Variants in GNB1L observed in about 807,000 individuals in gnomAD.
GNB1L encodes the protein G protein subunit beta 1 like, also known as guanine nucleotide-binding protein subunit beta-like protein 1.
A neutral mutation model predicts 29.1 loss-of-function variants in GNB1L; 20 were observed. The ratio of observed to expected loss-of-function variants is 0.69; its 90% CI spans 0.48 to 1.00. The LOEUF is 1.00. Ranked by LOEUF, GNB1L falls within the 50% of genes least tolerant of loss-of-function variation. GNB1L has a pLI of 0.00. For missense variants in GNB1L, 421 were observed against 464.9 expected, an observed-to-expected ratio of 0.91 and a Z score of 0.87; for synonymous variants, 193 against 206.5, an observed-to-expected ratio of 0.93 and a Z score of 0.56.
intron 2 of GNB1L, among the ~76,000 whole-genome samples, chr22:19,833,815 G>T (rs995859848): frequency 6.6e-6 from 1 of 151,718 alleles, no homozygotes; most frequent in Non-Finnish European, 1.5e-5. Context: ...GCCGTGAGCC[G>T]ATATCATACC....
intron 2 of GNB1L, chr22:19,851,219 A>G (rs1412367202): frequency 1.3e-6 from 2 of 1,597,354 alleles, no homozygotes; most frequent in South Asian, 2.2e-5. Context: ...GGCCTCCACC[A>G]CCTCCTGTGG....
chr22:19,808,267 TAG>T (rs543296530), intron 5 of GNB1L, among the ~76,000 whole-genome samples: 7 of 151,918 alleles, frequency 4.6e-5, no homozygotes, highest in Non-Finnish European at 8.8e-5. Flanking sequence ...CACACACAAA[TAG>T]AGCCTCCTGC....
chr22:19,829,889 A>C (rs1312583534), intron 2 of GNB1L, among the ~76,000 whole-genome samples: 1 of 152,202 alleles, frequency 6.6e-6, no homozygotes, highest in Admixed American at 6.5e-5. Flanking sequence ...TAAATCCAAC[A>C]TATTATTTTA....
chr22:19,800,499 A>G (rs948720456), intron 7 of GNB1L, among the ~76,000 whole-genome samples: 4 of 152,176 alleles, frequency 2.6e-5, no homozygotes, highest in Non-Finnish European at 5.9e-5. Context: ...CGCCCCTTCC[A>G]GACATGCAGA....
intron 6 of GNB1L, among the ~76,000 whole-genome samples, chr22:19,803,545 A>G (rs1937399177): frequency 6.6e-6 from 1 of 152,156 alleles, no homozygotes; most frequent in Admixed American, 6.5e-5. Context: ...GAGGAGTTCC[A>G]TGTTGGCACC....
At chr22:19,812,573 C>T in intron 4 of GNB1L, 126 bp from the exon 5 acceptor site, 1 of 902,116 alleles carries the variant, frequency 1.1e-6, no homozygotes, top group Non-Finnish European at 1.7e-6. Context: ...TGGATCATCG[C>T]AGGTCGGGAG....
intron 2 of GNB1L, among the ~76,000 whole-genome samples, chr22:19,853,637 G>A (rs1938163489): frequency 6.6e-6 from 1 of 152,014 alleles, no homozygotes; most frequent in Admixed American, 6.5e-5. Flanking sequence ...AGGGTGGCCT[G>A]CAGCACTAGA....
At chr22:19,819,319 C>T (rs1388967839) in intron 4 of GNB1L, among the ~76,000 whole-genome samples, 4 of 152,244 alleles carry the variant, frequency 2.6e-5, no homozygotes, top group Non-Finnish European at 5.9e-5. Flanking sequence ...GCCACCCATG[C>T]AGGAGGATGG....
At chr22:19,796,489 C>T (rs2145863360) in intron 7 of GNB1L, among the ~76,000 whole-genome samples, 1 of 152,324 alleles carries the variant, frequency 6.6e-6, no homozygotes, top group South Asian at 2.1e-4. Context: ...TCATTCAGAC[C>T]TTGTTCCCAG....
At chr22:19,796,136 T>C (rs909101839) in intron 7 of GNB1L, among the ~76,000 whole-genome samples, 9 of 152,060 alleles carry the variant, frequency 5.9e-5, no homozygotes, top group African/African-American at 2.2e-4. Context: ...GTTGGAAAAA[T>C]AGGCTTTGGG....
chr22:19,820,126 C>T (rs887789076), intron 4 of GNB1L, among the ~76,000 whole-genome samples: 1 of 152,150 alleles, frequency 6.6e-6, no homozygotes, highest in East Asian at 1.9e-4. Context: ...TCATGGCACA[C>T]GGCCCAGGCA....
intron 4 of GNB1L, among the ~76,000 whole-genome samples, 200 bp from the exon 5 acceptor site, chr22:19,812,647 A>G (rs1189399849): frequency 6.6e-6 from 1 of 152,222 alleles, no homozygotes; most frequent in Non-Finnish European, 1.5e-5. Context: ...AAAGTGCCCG[A>G]GGCCAGGACA....
Position 19,802,044 on chromosome 22 carries a change from T to C in GNB1L, c.689A>G (p.Lys230Arg), listed in dbSNP as rs774458770. The change falls in exon 7 of 8, where the codon AAG (lysine) becomes AGG (arginine). Residue 230 changes from lysine to arginine, a missense_variant. Coordinates refer to ENST00000329517, the MANE Select transcript of GNB1L (RefSeq NM_053004.3). ...GTCCAGGCTCCAGACAGCCAGCGCC[T>C]TCCCCGCGGAGCCTGAGATGCCCCT... ...KARGISGSAGKALAVWSLDWQ... is the reference protein window; with the variant it reads ...KARGISGSAGRALAVWSLDWQ... The C allele has an allele frequency of 1.3e-5, 21 of 1,609,722 alleles. No individual in the cohort carries two copies. In the Admixed American group the frequency reaches 3.5e-4, roughly 27 times the overall value.
In GNB1L at chr22:19,785,251, A is replaced by G. The variant is rs1324270727; in HGVS notation, c.*3458T>C. The G allele has an allele frequency of 1.3e-5, 2 of 151,864 alleles. No homozygotes were observed. Among genetic ancestry groups the G allele is most frequent in the African/African-American group, 4.8e-5 (2 of 41,292 alleles). The allele number at this position is 151,864 out of a possible 1,614,324, so 9.4% of individuals were successfully genotyped here. ...TCCTTCTCTATAAAAAAAAATAAAA[A>G]ATTAGCTGGGCATGATGGCCTGCAC... On this transcript the variant is annotated 3_prime_UTR_variant, in exon 8 of 8. Transcript: ENST00000329517. This position sits in a 1 kb window ranked among gnomAD's most constrained non-coding sequence, Gnocchi z 4.1.
chr22:19,810,234 A>C (rs1036417738), intron 5 of GNB1L, among the ~76,000 whole-genome samples: 6 of 152,130 alleles, frequency 3.9e-5, no homozygotes, highest in African/African-American at 1.4e-4. Context: ...GGAGGCAGGC[A>C]CTGGCTACAC....
In GNB1L at chr22:19,828,040, C is replaced by T. The variant is rs946434781; in HGVS notation, c.-20-6665G>A. On this transcript the variant is annotated intron_variant, in intron 2 of 7. Coordinates refer to ENST00000329517, the MANE Select transcript of GNB1L (RefSeq NM_053004.3). ...ATGGATGAAGCTCAAAGTCATAATTCTCATCAAGAGACATGAAGGGAGTCA... is the reference window on the plus strand; with the variant it reads ...ATGGATGAAGCTCAAAGTCATAATTTTCATCAAGAGACATGAAGGGAGTCA... 3.3e-5 allele frequency among the ~76,000 whole-genome samples: 5 copies of T among 152,152 alleles called. No homozygotes were observed. The South Asian group carries it at 6.2e-4, about 19-fold the overall frequency.
chr22:19,800,067 C>T (rs1171684756), intron 7 of GNB1L, among the ~76,000 whole-genome samples: 4 of 152,278 alleles, frequency 2.6e-5, no homozygotes, highest in East Asian at 3.8e-4. Context: ...GCCACAGCCA[C>T]GCCAACCACT....
At chr22:19,807,572 C>A (rs1937450672) in intron 5 of GNB1L, among the ~76,000 whole-genome samples, 1 of 152,214 alleles carries the variant, frequency 6.6e-6, no homozygotes, top group African/African-American at 2.4e-5. Flanking sequence ...GCATGTTTTA[C>A]ATAGGAACCA....
intron 2 of GNB1L, chr22:19,850,970 G>A (rs899328680): frequency 2.9e-5 from 41 of 1,409,018 alleles, no homozygotes; most frequent in Middle Eastern, 2.6e-4. Flanking sequence ...AAGGGCACAG[G>A]GCGGAGGTCA....
Sources: allele counts gnomAD v4.1 joint callset (sites outside exome capture counted in the v4.1 genomes callset), GRCh38; gene constraint gnomAD v4.1.1; non-coding constraint Gnocchi (gnomAD v3.1); transcripts MANE v1.5; gene names NCBI Gene and HGNC (gene_info 2026-07-23, HGNC 2026-07-21).